BACE2: variants seen among roughly 807,000 people sequenced by gnomAD.
The protein encoded by BACE2 is 56 kDa aspartic-like protease.
BACE2 carries 17 observed loss-of-function variants against 46.2 expected under a neutral mutation model. That is an observed-to-expected ratio of 0.37 (90% CI 0.25 to 0.55). The LOEUF is 0.55. BACE2 is among the 20% of genes least tolerant of loss of function. BACE2 has a pLI of 0.82. For missense variants in BACE2, 595 were observed against 698.1 expected, an observed-to-expected ratio of 0.85 and a Z score of 1.66; for synonymous variants, 277 against 295.9, an observed-to-expected ratio of 0.94 and a Z score of 0.66.
chr21:41,186,172 A>G (rs752374032), intron 1 of BACE2: 1 of 152,220 alleles, frequency 6.6e-6, no homozygotes, highest in African/African-American at 2.4e-5. Context: ...CATCCACAGA[A>G]GACAAAATGG....
chr21:41,231,349 A>C (rs145808387), intron 2 of BACE2, among the ~76,000 whole-genome samples: 1 of 152,168 alleles, frequency 6.6e-6, no homozygotes, highest in African/African-American at 2.4e-5. Flanking sequence ...TAAGAGGGGC[A>C]TCCGGTCACC....
At chr21:41,268,311 G>T (rs1288333398) in intron 8 of BACE2, among the ~76,000 whole-genome samples, 2 of 152,186 alleles carry the variant, frequency 1.3e-5, no homozygotes, top group Non-Finnish European at 2.9e-5. Flanking sequence ...CTGGCCCCAG[G>T]TTCATGCTCT....
At chr21:41,269,438 A>G (rs901657188) in intron 8 of BACE2, among the ~76,000 whole-genome samples, 1 of 152,182 alleles carries the variant, frequency 6.6e-6, no homozygotes, top group Non-Finnish European at 1.5e-5. Context: ...CCTTGAAACC[A>G]TCACCACAAA....
chr21:41,171,264 G>T (rs945689784), intron 1 of BACE2, among the ~76,000 whole-genome samples: 2 of 152,254 alleles, frequency 1.3e-5, no homozygotes, highest in Non-Finnish European at 2.9e-5. Context: ...AGAATGAAGG[G>T]CTGGATCCAG....
At chr21:41,209,092 G>A (rs1392132223) in intron 1 of BACE2, among the ~76,000 whole-genome samples, 1 of 152,216 alleles carries the variant, frequency 6.6e-6, no homozygotes. Context: ...CAGCCCATGT[G>A]CACCCTGGGA....
At chr21:41,233,302 C>T (rs1380983056) in intron 2 of BACE2, among the ~76,000 whole-genome samples, 1 of 152,124 alleles carries the variant, frequency 6.6e-6, no homozygotes, top group East Asian at 1.9e-4. Context: ...ATTAACTTCA[C>T]GAGGGATGGT....
intron 1 of BACE2, among the ~76,000 whole-genome samples, chr21:41,215,367 G>A (rs1468124515): frequency 6.6e-6 from 1 of 152,150 alleles, no homozygotes; most frequent in African/African-American, 2.4e-5. Flanking sequence ...AGGTCCTGGT[G>A]GACAGGCCAT....
chr21:41,268,837 C>T (rs1243892029), intron 8 of BACE2, among the ~76,000 whole-genome samples: 1 of 152,068 alleles, frequency 6.6e-6, no homozygotes, highest in Admixed American at 6.5e-5. Flanking sequence ...ACACACAGCA[C>T]ATATGAAAAA....
chr21:41,168,329 G>A lies in BACE2; in HGVS notation c.66G>A (p.Pro22=). The stretch of plus-strand genomic sequence containing the variant: ...CCCAGTGGCTCCTGCGCGCCGCCCC[G>A]GAGCTGGCCCCCGCGCCCTTCACGC... ...LLAQWLLRAA[P]ELAPAPFTLP... is the part of the protein sequence containing the mutation. The change falls in exon 1 of 9, where the codon CCG becomes CCA. Residue 22 remains proline (P), a synonymous_variant. Coordinates refer to ENST00000330333, the MANE Select transcript of BACE2 (RefSeq NM_012105.5). 1 of 1,349,050 alleles carries A rather than the reference G, an allele frequency of 7.4e-7. No homozygotes were observed. Among genetic ancestry groups the A allele is most frequent in the Non-Finnish European group, 9.5e-7 (1 of 1,048,994 alleles). The allele number at this position is 1,349,050 out of a possible 1,614,324, so 83.6% of individuals were successfully genotyped here. A position where few individuals can be genotyped will look rare whatever the true frequency, so the allele number is the denominator to read the frequency against.
chr21:41,191,149 C>T (rs374091559), intron 1 of BACE2, among the ~76,000 whole-genome samples: 5 of 152,132 alleles, frequency 3.3e-5, no homozygotes, highest in African/African-American at 9.7e-5. Context: ...ATATATGGGA[C>T]GCTGATTCAG....
intron 5 of BACE2, among the ~76,000 whole-genome samples, chr21:41,244,326 T>C (rs1368153198): frequency 1.3e-5 from 2 of 152,128 alleles, no homozygotes; most frequent in African/African-American, 2.4e-5. Flanking sequence ...AAGGTTTTTA[T>C]TTCACCTGGG....
At chr21:41,259,670 C>T (rs1004192367) in intron 8 of BACE2, among the ~76,000 whole-genome samples, 6 of 131,584 alleles carry the variant, frequency 4.6e-5, no homozygotes, top group Admixed American at 3.7e-4. Flanking sequence ...AGTGTATATT[C>T]TTATCTGAAT....
chr21:41,179,164 G>GGGTGTCCAGGGTGCA (rs1984978776), intron 1 of BACE2: 1 of 1,261,600 alleles, frequency 7.9e-7, no homozygotes, highest in African/African-American at 1.6e-5. Flanking sequence ...TCCAGGGTGA[G>GGGTGTCCAGGGTGCA]GAGTGAGGGT....
intron 8 of BACE2, among the ~76,000 whole-genome samples, chr21:41,265,679 T>G (rs992355886): frequency 1.3e-5 from 2 of 152,240 alleles, no homozygotes; most frequent in Non-Finnish European, 2.9e-5. Flanking sequence ...GTAGGAACTC[T>G]TTATGTAATG....
At chr21:41,188,952 T>C (rs1295568763) in intron 1 of BACE2, among the ~76,000 whole-genome samples, 1 of 152,260 alleles carries the variant, frequency 6.6e-6, no homozygotes, top group East Asian at 1.9e-4. Flanking sequence ...ATCAGAGGCC[T>C]GCCCAGAAGA....
chr21:41,249,975 A>AT (rs1307968718), intron 6 of BACE2, among the ~76,000 whole-genome samples: 2 of 151,956 alleles, frequency 1.3e-5, no homozygotes. Flanking sequence ...GATGCCATTT[A>AT]TTTTTTTCCA....
intron 1 of BACE2, among the ~76,000 whole-genome samples, chr21:41,223,425 G>A (rs1431962913): frequency 6.6e-6 from 1 of 152,000 alleles, no homozygotes; most frequent in African/African-American, 2.4e-5. Flanking sequence ...TCAAGGTGTT[G>A]GTGGGGCCAT....
At chr21:41,198,849 TTTTATTTATTTATTTA>T (rs3838112) in intron 1 of BACE2, among the ~76,000 whole-genome samples, 14 of 140,038 alleles carry the variant, frequency 1.0e-4, no homozygotes, top group Non-Finnish European at 1.5e-4. Flanking sequence ...TCTGTACGCT[TTTTATTTATTTATTTA>T]TTTATTTATT....
chr21:41,172,965 T>A (rs1419874545), intron 1 of BACE2, among the ~76,000 whole-genome samples: 2 of 152,202 alleles, frequency 1.3e-5, no homozygotes, highest in Admixed American at 6.5e-5. Flanking sequence ...CTTGGCCGCA[T>A]GACTCCAATC....
Sources: allele counts gnomAD v4.1 joint callset (sites outside exome capture counted in the v4.1 genomes callset), GRCh38; gene constraint gnomAD v4.1.1; transcripts MANE v1.5; gene names NCBI Gene and HGNC (gene_info 2026-07-23, HGNC 2026-07-21).